ATP8A1: variants seen among roughly 807,000 people sequenced by gnomAD.
ATP8A1 encodes the protein ATPase phospholipid transporting 8A1, also known as phospholipid-transporting ATPase IA.
ATP8A1 carries 90 observed loss-of-function variants against 177.7 expected under a neutral mutation model. The observed-to-expected ratio is 0.51, with a 90% CI of 0.43 to 0.60. The LOEUF (loss-of-function observed/expected upper bound fraction) is 0.60, where lower values mean the gene tolerates loss of function less well. Ranked by LOEUF, ATP8A1 falls within the 20% of genes least tolerant of loss-of-function variation. The pLI is 0.00. For synonymous variants in ATP8A1, 493 were observed against 485.9 expected (o/e 1.01, Z -0.19); for missense variants, 1,072 against 1,392.8 (o/e 0.77, Z 3.67).
intron 15 of ATP8A1, 116 bp from the exon 16 acceptor site, chr4:42,556,156 G>T: frequency 1.7e-6 from 1 of 594,668 alleles, no homozygotes. Flanking sequence ...TAAATTAAAT[G>T]TAATTTGGCC....
chr4:42,438,531 T>C (rs1417332787), intron 33 of ATP8A1, among the ~76,000 whole-genome samples: 3 of 152,124 alleles, frequency 2.0e-5, no homozygotes, highest in Non-Finnish European at 2.9e-5. Flanking sequence ...TTTCTCTAAA[T>C]AGGGTTGAGG....
chr4:42,445,722 G>A (rs896623479), intron 31 of ATP8A1, among the ~76,000 whole-genome samples: 1 of 152,122 alleles, frequency 6.6e-6, no homozygotes, highest in Non-Finnish European at 1.5e-5. Flanking sequence ...GGCAATTTAG[G>A]TTATTTGTTA....
At chr4:42,546,228 T>G (rs1407113356) in intron 19 of ATP8A1, among the ~76,000 whole-genome samples, 1 of 152,038 alleles carries the variant, frequency 6.6e-6, no homozygotes, top group African/African-American at 2.4e-5. Context: ...GCATTTAACA[T>G]ACTCTGTTCT....
Position 42,412,732 on chromosome 4 carries a change from T to C in ATP8A1, c.*184A>G. Reference sequence around the variant, plus strand: ...TTAAAAAAATCCAAAAGAGATGGTGTTACAGTACAGTTGCACAGTGCTTAT... The same window carrying C: ...TTAAAAAAATCCAAAAGAGATGGTGCTACAGTACAGTTGCACAGTGCTTAT... On this transcript the variant is annotated 3_prime_UTR_variant, in exon 37 of 37. Coordinates refer to ENST00000381668, the MANE Select transcript of ATP8A1 (RefSeq NM_006095.2). 4.0e-6 allele frequency: 2 copies of C among 505,798 alleles called. No homozygotes were observed. The highest frequency in any genetic ancestry group is 6.5e-5 in the South Asian group (2 of 30,566). The allele number at this position is 505,798 out of a possible 1,614,324, so 31.3% of individuals were successfully genotyped here. A position where few individuals can be genotyped will look rare whatever the true frequency, so the allele number is the denominator to read the frequency against.
At chr4:42,495,358 C>A (rs1206030076) in intron 24 of ATP8A1, among the ~76,000 whole-genome samples, 2 of 152,184 alleles carry the variant, frequency 1.3e-5, no homozygotes, top group Non-Finnish European at 2.9e-5. Flanking sequence ...TGCTTTTCTA[C>A]AATGTGTTAT....
At chr4:42,516,223 C>T (rs1457580998) in intron 22 of ATP8A1, among the ~76,000 whole-genome samples, 1 of 152,188 alleles carries the variant, frequency 6.6e-6, no homozygotes, top group Non-Finnish European at 1.5e-5. Context: ...GGATGACATA[C>T]ATCAATCACA....
rs1712551650 is a variant in ATP8A1, at chr4:42,411,133, A to G, written c.*1783T>C. 1 of 152,152 alleles carries G rather than the reference A, an allele frequency of 6.6e-6. No homozygotes were observed. Among genetic ancestry groups the G allele is most frequent in the Admixed American group, 6.6e-5 (1 of 15,264 alleles). 9.4% of individuals were successfully genotyped at this position (152,152 alleles called of 1,614,324 possible). A position where few individuals can be genotyped will look rare whatever the true frequency, so the allele number is the denominator to read the frequency against. ...TCTCTCAATCTGTACCCCAAACAGG[A>G]AGGGCTTGGGAAGTAAAGTATGTAA... On this transcript the variant is annotated 3_prime_UTR_variant, in exon 37 of 37. Coordinates refer to ENST00000381668, the MANE Select transcript of ATP8A1 (RefSeq NM_006095.2).
At chr4:42,437,220 G>A (rs972997086) in intron 33 of ATP8A1, among the ~76,000 whole-genome samples, 4 of 152,170 alleles carry the variant, frequency 2.6e-5, no homozygotes, top group African/African-American at 7.2e-5. Context: ...GATATGAAAC[G>A]ATCCCTGCTG....
intron 10 of ATP8A1, among the ~76,000 whole-genome samples, chr4:42,581,328 T>C (rs1733038410): frequency 6.6e-6 from 1 of 152,132 alleles, no homozygotes; most frequent in Non-Finnish European, 1.5e-5. Flanking sequence ...AGAGACGGGC[T>C]TTCACCGTGT....
chr4:42,624,323 A>G (rs1327861240), intron 4 of ATP8A1, among the ~76,000 whole-genome samples: 5 of 152,136 alleles, frequency 3.3e-5, no homozygotes, highest in African/African-American at 9.7e-5. Flanking sequence ...TTGCTAAACT[A>G]TAAATGCAAT....
chr4:42,475,807 G>A (rs1578010028), intron 25 of ATP8A1, among the ~76,000 whole-genome samples: 1 of 152,160 alleles, frequency 6.6e-6, no homozygotes, highest in Non-Finnish European at 1.5e-5. Context: ...GGAGGCCGAG[G>A]TGGGTAGATC....
intron 25 of ATP8A1, among the ~76,000 whole-genome samples, chr4:42,479,686 T>G (rs767748244): frequency 5.9e-5 from 9 of 152,208 alleles, no homozygotes; most frequent in Non-Finnish European, 1.2e-4. Flanking sequence ...TTAAAATTTG[T>G]GGAACAGAAA....
In ATP8A1 at chr4:42,412,164, C is replaced by T. The variant is rs1253420651; in HGVS notation, c.*752G>A. ...AGAGTCACATTAACACGTGTGTCCTCTAACAAATAAACACGACAAACAACA... is the reference window on the plus strand; with the variant it reads ...AGAGTCACATTAACACGTGTGTCCTTTAACAAATAAACACGACAAACAACA... On this transcript the variant is annotated 3_prime_UTR_variant, in exon 37 of 37. Transcript: ENST00000381668. The T allele has an allele frequency of 6.6e-6, 1 of 152,200 alleles. No individual in the cohort carries two copies. Among genetic ancestry groups the T allele is most frequent in the Non-Finnish European group, 1.5e-5 (1 of 68,032 alleles). The allele number at this position is 152,200 out of a possible 1,614,324, so 9.4% of individuals were successfully genotyped here.
intron 9 of ATP8A1, among the ~76,000 whole-genome samples, chr4:42,585,925 C>T (rs1181606874): frequency 6.6e-6 from 1 of 151,928 alleles, no homozygotes; most frequent in Non-Finnish European, 1.5e-5. Context: ...TACAATAGAC[C>T]CCTTGAAGGT....
chr4:42,466,949 G>A (rs915300484), intron 25 of ATP8A1, among the ~76,000 whole-genome samples: 2 of 152,198 alleles, frequency 1.3e-5, no homozygotes, highest in African/African-American at 4.8e-5. Context: ...TGAATAGAGA[G>A]AAGCATTTGA....
intron 5 of ATP8A1, among the ~76,000 whole-genome samples, chr4:42,607,632 G>GTTTT (rs34714525): frequency 1.4e-5 from 2 of 146,870 alleles, no homozygotes; most frequent in African/African-American, 5.0e-5. Flanking sequence ...GATTCTACAG[G>GTTTT]TTTTTTTTTT....
At chr4:42,649,200 T>C (rs138577433) in intron 1 of ATP8A1, among the ~76,000 whole-genome samples, 20 of 152,280 alleles carry the variant, frequency 1.3e-4, no homozygotes, top group African/African-American at 4.8e-4. Flanking sequence ...TAAGCTGTCA[T>C]AAAATTAATA....
At chr4:42,635,654 TG>T (rs945105115) in intron 1 of ATP8A1, among the ~76,000 whole-genome samples, 1 of 151,122 alleles carries the variant, frequency 6.6e-6, no homozygotes, top group African/African-American at 2.4e-5. Flanking sequence ...GCTTAATAAT[TG>T]AAAGTCCTGA....
chr4:42,550,086 C>T (rs1356040274), intron 18 of ATP8A1, among the ~76,000 whole-genome samples: 1 of 152,170 alleles, frequency 6.6e-6, no homozygotes, highest in Non-Finnish European at 1.5e-5. Context: ...TCAACCTCTT[C>T]CCTGCCCTGA....
Sources: allele counts gnomAD v4.1 joint callset (sites outside exome capture counted in the v4.1 genomes callset), GRCh38; gene constraint gnomAD v4.1.1; transcripts MANE v1.5; gene names NCBI Gene and HGNC (gene_info 2026-07-23, HGNC 2026-07-21).